The following BACE2 variants were observed in gnomAD, a reference collection of about 807,000 sequenced individuals.
The protein encoded by BACE2 is 56 kDa aspartic-like protease.
Under a neutral mutation model 46.2 loss-of-function variants are expected in BACE2, and 17 were observed. The ratio of observed to expected loss-of-function variants is 0.37; its 90% confidence interval spans 0.25 to 0.55. The LOEUF is 0.55. Ranked by LOEUF, BACE2 falls within the 20% of genes least tolerant of loss-of-function variation. The pLI, the probability that BACE2 is intolerant of heterozygous loss-of-function variation, is 0.82. For synonymous variants in BACE2, 277 were observed against 295.9 expected (o/e 0.94, Z 0.66); for missense variants, 595 against 698.1 (o/e 0.85, Z 1.66).
At chr21:41,224,728 A>G (rs1294192369) in intron 1 of BACE2, among the ~76,000 whole-genome samples, 1 of 152,202 alleles carries the variant, frequency 6.6e-6, no homozygotes, top group Non-Finnish European at 1.5e-5. Context: ...GCCCAATAGC[A>G]TTGGTCCCTA....
rs142599378 is a variant in BACE2, at chr21:41,174,970, G to T, written c.312+6395G>T. Among the ~76,000 whole-genome samples the T allele has an allele frequency of 5.3e-5, 8 of 152,246 alleles. No homozygotes were observed. In the East Asian group the frequency reaches 1.2e-3, roughly 22 times the overall value. ...TTTCCCTGGGTATAAACATGTTTCTGGTGGAACCTGAGGAAGAGAGTGTCA... is the reference window on the plus strand; with the variant it reads ...TTTCCCTGGGTATAAACATGTTTCTTGTGGAACCTGAGGAAGAGAGTGTCA... On this transcript the variant is annotated intron_variant, in intron 1 of 8. Transcript: ENST00000330333.
intron 5 of BACE2, among the ~76,000 whole-genome samples, chr21:41,244,678 AG>A (rs35933303): frequency 6.6e-6 from 1 of 152,320 alleles, no homozygotes; most frequent in African/African-American, 2.4e-5. Flanking sequence ...TCACAGTCAC[AG>A]GGGATAAGAT....
chr21:41,177,749 A>G (rs1456112776), intron 1 of BACE2: 1 of 152,280 alleles, frequency 6.6e-6, no homozygotes, highest in Admixed American at 6.5e-5. Flanking sequence ...GAGGGAAGAC[A>G]GACAAAACGG....
intron 1 of BACE2, chr21:41,179,652 G>A (rs1218736152): frequency 7.3e-7 from 1 of 1,360,972 alleles, no homozygotes; most frequent in Non-Finnish European, 9.8e-7. Context: ...GTGCTCTGAG[G>A]TTAGATTTTA....
chr21:41,270,217 T>G (rs1467393764), intron 8 of BACE2, among the ~76,000 whole-genome samples: 1 of 152,242 alleles, frequency 6.6e-6, no homozygotes, highest in Non-Finnish European at 1.5e-5. Flanking sequence ...CAGAGTTATT[T>G]ATATATGAAG....
In BACE2 at chr21:41,182,939, G is replaced by A. The variant is rs568661864; in HGVS notation, c.312+14364G>A. On this transcript the variant is annotated intron_variant, in intron 1 of 8. Coordinates refer to ENST00000330333, the MANE Select transcript of BACE2 (RefSeq NM_012105.5). ...CTTTTCTACTCACTGGTTCACTCAT[G>A]TTTTGAACCTCCCATTTAGTAACTT... 5 of 166,354 alleles carry A rather than the reference G, an allele frequency of 3.0e-5. No homozygotes were observed. The East Asian group carries it at 9.7e-4, about 32-fold the overall frequency. 10.3% of individuals were successfully genotyped at this position (166,354 alleles called of 1,614,324 possible).
chr21:41,249,996 C>A (rs1325315945), intron 6 of BACE2, among the ~76,000 whole-genome samples: 2 of 152,122 alleles, frequency 1.3e-5, no homozygotes, highest in Non-Finnish European at 2.9e-5. Context: ...CAAATATTTC[C>A]CAGGTCTCTT....
chr21:41,202,136 A>C (rs1262476146), intron 1 of BACE2, among the ~76,000 whole-genome samples: 2 of 152,216 alleles, frequency 1.3e-5, no homozygotes, highest in Non-Finnish European at 2.9e-5. Context: ...ATGATCAGGC[A>C]TGACCGTAGT....
chr21:41,200,353 A>T (rs1184041901), intron 1 of BACE2, among the ~76,000 whole-genome samples: 2 of 152,156 alleles, frequency 1.3e-5, no homozygotes, highest in Non-Finnish European at 2.9e-5. Context: ...ATTTAAATTC[A>T]GATGTTAGTT....
intron 8 of BACE2, among the ~76,000 whole-genome samples, chr21:41,268,101 A>C (rs1373223088): frequency 6.6e-6 from 1 of 152,258 alleles, no homozygotes. Flanking sequence ...AACAGCGGAC[A>C]CTTACGTAGC....
intron 8 of BACE2, among the ~76,000 whole-genome samples, chr21:41,270,646 A>G (rs1037167188): frequency 3.9e-5 from 6 of 152,228 alleles, no homozygotes; most frequent in African/African-American, 1.4e-4. Context: ...CTGTTATTCT[A>G]ATATAACCTC....
At position 41,275,843 on chromosome 21, in the gene BACE2, C is replaced by A. The variant is rs1005849415; in HGVS notation, c.*219C>A. On this transcript the variant is annotated 3_prime_UTR_variant, in exon 9 of 9. Coordinates refer to ENST00000330333, the MANE Select transcript of BACE2 (RefSeq NM_012105.5). ...CCAAGAAAAATAATTAAAAAAAAAA[C>A]TTCATTCTAAACCAAAACAGAGTGG... 10 of 635,000 alleles carry A rather than the reference C, an allele frequency of 1.6e-5. No homozygotes were observed. Among genetic ancestry groups the A allele is most frequent in the Admixed American group, 3.1e-5 (1 of 32,392 alleles). The allele number at this position is 635,000 out of a possible 1,614,324, so 39.3% of individuals were successfully genotyped here. A position where few individuals can be genotyped will look rare whatever the true frequency, so the allele number is the denominator to read the frequency against.
At chr21:41,241,208 C>A (rs569902530) in intron 3 of BACE2, among the ~76,000 whole-genome samples, 3 of 152,166 alleles carry the variant, frequency 2.0e-5, no homozygotes, top group Non-Finnish European at 4.4e-5. Context: ...ACAGAGCACA[C>A]GAGGGCTTCT....
intron 1 of BACE2, among the ~76,000 whole-genome samples, chr21:41,198,955 C>T (rs1003035637): frequency 3.3e-5 from 5 of 151,522 alleles, no homozygotes; most frequent in Admixed American, 1.3e-4. Context: ...ATGTGACATG[C>T]TGGTGTGCTG....
Position 41,278,885 on chromosome 21 carries a change from T to C in BACE2, c.*3261T>C, listed in dbSNP as rs926799865. 4 of 152,194 alleles carry C rather than the reference T, an allele frequency of 2.6e-5. No individual in the cohort carries two copies. The highest frequency in any genetic ancestry group is 2.1e-4 in the South Asian group (1 of 4,836). The allele number at this position is 152,194 out of a possible 1,614,324, so 9.4% of individuals were successfully genotyped here. A position where few individuals can be genotyped will look rare whatever the true frequency, so the allele number is the denominator to read the frequency against. On this transcript the variant is annotated 3_prime_UTR_variant, in exon 9 of 9. Transcript: ENST00000330333. The stretch of plus-strand genomic sequence containing the variant: ...CAGTCTGTTCCACAAACAACAGTAA[T>C]TGAATTTCACAGACTTTATCCTGAT...
intron 1 of BACE2, chr21:41,182,448 AT>A (rs1408961470): frequency 1.2e-5 from 2 of 166,654 alleles, no homozygotes; most frequent in Non-Finnish European, 1.5e-5. Flanking sequence ...CCGGGGAGCT[AT>A]TTTTTCCTTT....
chr21:41,228,679 A>AGATCC (rs1418080197), intron 2 of BACE2, among the ~76,000 whole-genome samples: 2 of 152,202 alleles, frequency 1.3e-5, no homozygotes, highest in Non-Finnish European at 2.9e-5. Context: ...CATTCTTGAG[A>AGATCC]GATCCGACCT....
Position 41,181,573 on chromosome 21 carries a change from C to T in BACE2, c.312+12998C>T, listed in dbSNP as rs142819705. Reference sequence around the variant, plus strand: ...GACCAGAGCATCGCAGGGAAGCTTCCACTTTTGTGTCATTAATGCAAGAGT... The same window carrying T: ...GACCAGAGCATCGCAGGGAAGCTTCTACTTTTGTGTCATTAATGCAAGAGT... On this transcript the variant is annotated intron_variant, in intron 1 of 8. Transcript: ENST00000330333. 585 of 167,198 alleles carry T rather than the reference C, an allele frequency of 3.5e-3. 4 individuals carry two copies. The highest frequency in any genetic ancestry group is 1.4e-3 in the Non-Finnish European group (98 of 68,116). The allele number at this position is 167,198 out of a possible 1,614,324, so 10.4% of individuals were successfully genotyped here.
chr21:41,237,571 T>A lies in BACE2; in HGVS notation c.460T>A (p.Trp154Arg). The A allele has an allele frequency of 6.2e-7, 1 of 1,614,254 alleles. No individual in the cohort carries two copies. The highest frequency in any genetic ancestry group is 8.5e-7 in the Non-Finnish European group (1 of 1,180,040). The change falls in exon 3 of 9, where the codon TGG becomes AGG. Residue 154 changes from tryptophan to arginine, a missense_variant. This residue lies in a region of BACE2 where 248 missense variants were observed against 261.4 expected (regional missense o/e 0.95). Transcript: ENST00000330333. ...DVTVKYTQGS[W>R]TGFVGEDLVT... Reference sequence around the variant, plus strand: ...CACAGTGAAGTACACACAAGGAAGCTGGACGGGCTTCGTTGGGGAAGACCT... The same window carrying A: ...CACAGTGAAGTACACACAAGGAAGCAGGACGGGCTTCGTTGGGGAAGACCT...
Sources: allele counts gnomAD v4.1 joint callset (sites outside exome capture counted in the v4.1 genomes callset), GRCh38; gene constraint gnomAD v4.1.1; regional missense constraint gnomAD v4.1.1; transcripts MANE v1.5; gene names NCBI Gene and HGNC (gene_info 2026-07-23, HGNC 2026-07-21).